CHADL: variants seen among roughly 807,000 people sequenced by gnomAD.
CHADL encodes the protein chondroadherin like.
Under a neutral mutation model 52.1 loss-of-function variants are expected in CHADL, and 48 were observed. That is an observed-to-expected ratio of 0.92 (90% CI 0.73 to 1.17). CHADL has a LOEUF of 1.17. Ranked by LOEUF, CHADL falls within the 50% of genes most tolerant of loss-of-function variation. CHADL has a pLI of 0.00. For missense variants in CHADL, 977 were observed against 1,035.1 expected, an observed-to-expected ratio of 0.94 and a Z score of 0.77; for synonymous variants, 498 against 511.2, an observed-to-expected ratio of 0.97 and a Z score of 0.35.
Position 41,240,911 on chromosome 22 carries a change from G to A in CHADL, c.-30C>T. On this transcript the variant is annotated 5_prime_UTR_variant, in exon 1 of 6. Transcript: ENST00000216241. ...CCTGGAACTGCTGGTCCAGCCTGGA[G>A]GCGCAGCGCAGGGACAGGCTGTCCC... 1.3e-6 allele frequency: 2 copies of A among 1,547,584 alleles called. No homozygotes were observed. Among genetic ancestry groups the A allele is most frequent in the Non-Finnish European group, 1.7e-6 (2 of 1,146,338 alleles).
rs2145637372 is a variant in CHADL at position 41,238,038 on chromosome 22, T to TCGCCC, written c.1029_1033dup (p.Glu345GlyfsTer90). 4.7e-6 allele frequency: 6 copies of TCGCCC among 1,274,538 alleles called. No individual in the cohort carries two copies. In the South Asian group the frequency reaches 1.7e-4, roughly 35 times the overall value. The allele number at this position is 1,274,538 out of a possible 1,614,324, so 79.0% of individuals were successfully genotyped here. A position where few individuals can be genotyped will look rare whatever the true frequency, so the allele number is the denominator to read the frequency against. Reference sequence around the variant, plus strand: ...CCAGGGCCGCAGGGCGTCCAGAGCCTCGCCCCGCAGGCGCCGCGGCCCCTG... The same window carrying TCGCCC: ...CCAGGGCCGCAGGGCGTCCAGAGCCTCGCCCCGCCCCGCAGGCGCCGCGGCCCCTG... On this transcript the variant is annotated frameshift_variant, in exon 3 of 6. Transcript: ENST00000216241. LOFTEE classifies it high-confidence loss of function. The surrounding 1 kb of genome is among the most constrained non-coding windows in gnomAD (Gnocchi z 4.9).
chr22:41,234,389 A>ATTATTT (rs2032696285), intron 5 of CHADL, among the ~76,000 whole-genome samples: 1 of 147,500 alleles, frequency 6.8e-6, no homozygotes, highest in Non-Finnish European at 1.5e-5. Context: ...TATTATTATT[A>ATTATTT]TTATTATTAT....
At chr22:41,239,024 G>T in intron 2 of CHADL, 139 bp from the exon 3 acceptor site, 1 of 1,193,628 alleles carries the variant, frequency 8.4e-7, no homozygotes, top group Non-Finnish European at 1.1e-6. Flanking sequence ...ACCTCCTCCA[G>T]GAAGCCTTCC....
rs371389800 is a variant in CHADL at position 41,239,544 on chromosome 22, C to T, written c.85G>A (p.Ala29Thr). The T allele has an allele frequency of 1.8e-4, 276 of 1,548,486 alleles. 2 individuals carry two copies. The South Asian group carries it at 1.9e-3, about 11-fold the overall frequency. Residue 29 changes from alanine to threonine, a missense_variant, in exon 2 of 6, where the codon GCC becomes ACC. Transcript: ENST00000216241. ...LLLLAPARQA[A>T]AQRCPQACIC... ...CAGGCCTGTGGGCAGCGCTGGGCGG[C>T]GGCCTGCCTAGCCGGGGCCAGCAGC...
intron 4 of CHADL, 71 bp from the exon 5 acceptor site, chr22:41,235,414 T>G: frequency 7.8e-7 from 1 of 1,285,662 alleles, no homozygotes; most frequent in Non-Finnish European, 1.1e-6. Flanking sequence ...AGGTGGGCAC[T>G]GGGTGTGGGG....
intron 2 of CHADL, 124 bp downstream of exon 2, chr22:41,239,319 A>G (rs928486892): frequency 2.7e-5 from 21 of 792,356 alleles, no homozygotes; most frequent in Non-Finnish European, 4.3e-5. Flanking sequence ...CTCAAAGAGA[A>G]GTAATTTGCC....
chr22:41,239,649 C>T, intron 1 of CHADL, 29 bp from the exon 2 acceptor site: 1 of 1,493,166 alleles, frequency 6.7e-7, no homozygotes, highest in Non-Finnish European at 8.9e-7. Context: ...GTCTGTTGTG[C>T]ACAAGGGCCG....
intron 5 of CHADL, chr22:41,230,977 G>C (rs2032559622): frequency 6.6e-6 from 1 of 152,270 alleles, no homozygotes; most frequent in Non-Finnish European, 1.5e-5. Flanking sequence ...AAGATGGCCT[G>C]AGTGTGCACT....
intron 5 of CHADL, chr22:41,231,382 C>T (rs139481): frequency 0.32 from 49,115 of 152,122 alleles, 8,091 homozygotes; most frequent in Middle Eastern, 0.38. Context: ...TGTGCAGGGC[C>T]GTAAAGAAAT....
chr22:41,232,146 C>T (rs1282253848), intron 5 of CHADL, among the ~76,000 whole-genome samples: 1 of 151,826 alleles, frequency 6.6e-6, no homozygotes, highest in Admixed American at 6.6e-5. Context: ...TCCTGGCTAA[C>T]ACGATGAAAC....
rs1041300183 is a variant in CHADL, at chr22:41,229,551, C to G, written c.*153G>C. The G allele has an allele frequency of 1.9e-6, 3 of 1,610,446 alleles. No individual in the cohort carries two copies. The East Asian group carries it at 6.7e-5, about 36-fold the overall frequency. On this transcript the variant is annotated 3_prime_UTR_variant, in exon 6 of 6. Coordinates refer to ENST00000216241, the MANE Select transcript of CHADL (RefSeq NM_138481.2). ...ATTTTTATTCAAAGGGAAAAGAATC[C>G]CGCCCACTAAGACGCGACCCCTCAG... is the stretch of plus-strand genomic sequence containing the variant.
In CHADL at chr22:41,237,511, G is replaced by A. The variant is rs1234332040; in HGVS notation, c.1561C>T (p.Pro521Ser). The change falls in exon 3 of 6, where the codon CCC becomes TCC. Residue 521 changes from proline (P) to serine (S), a missense_variant. Physicochemically the swap from Pro to Ser is moderately conservative, Grantham distance 74. Transcript: ENST00000216241. ...TGCAGGTGCAGGGAGAAGAGGCTGG[G>A]CAGGGCGCGCAGGGCAGCCCCTGGC... ...QVPGAALRAL[P>S]SLFSLHLQDN... 1 of 1,550,478 alleles carries A rather than the reference G, an allele frequency of 6.4e-7. No individual in the cohort carries two copies.
In CHADL at chr22:41,236,529, C is replaced by G; in HGVS notation, c.2018G>C (p.Ser673Thr). The G allele has an allele frequency of 6.4e-7, 1 of 1,551,440 alleles. No individual in the cohort carries two copies. Among genetic ancestry groups the G allele is most frequent in the East Asian group, 2.4e-5 (1 of 40,918 alleles). Residue 673 changes from serine to threonine, a missense_variant, in exon 4 of 6, where the codon AGC (serine) becomes ACC (threonine). Ser to Thr is a moderately conservative substitution (Grantham distance 58). Coordinates refer to ENST00000216241, the MANE Select transcript of CHADL (RefSeq NM_138481.2). The part of the protein sequence containing the change: ...SLSQLELIDL[S>T]SNPFHCDCQL... ...GCAGTCACAGTGGAAGGGATTGCTG[C>G]TGAGGTCGATGAGCTCCAGCTGGCT...
In CHADL at chr22:41,238,754, G is replaced by A. The variant is rs1291220326; in HGVS notation, c.318C>T (p.Phe106=). The A allele has an allele frequency of 6.5e-7, 1 of 1,549,146 alleles. No individual in the cohort carries two copies. Among genetic ancestry groups the A allele is most frequent in the Non-Finnish European group, 8.7e-7 (1 of 1,146,774 alleles). ...GCAGGAGCAGGCGGCCCAGGCCACG[G>A]AAGGCGCCCTCGGCCACCAGCTCCA... ...CEVELVAEGA[F]RGLGRLLLLN... Residue 106 remains phenylalanine, a synonymous_variant, in exon 3 of 6, where the codon TTC becomes TTT. Transcript: ENST00000216241. This position sits in a 1 kb window ranked among gnomAD's most constrained non-coding sequence, Gnocchi z 4.9.
intron 5 of CHADL, among the ~76,000 whole-genome samples, chr22:41,233,450 A>T (rs2032672925): frequency 6.6e-6 from 1 of 152,146 alleles, no homozygotes; most frequent in African/African-American, 2.4e-5. Flanking sequence ...CAACAAGAGC[A>T]AAACTCCATC....
Position 41,237,397 on chromosome 22 carries a change from C to T in CHADL, c.1675G>A (p.Glu559Lys), listed in dbSNP as rs1414902557. The change falls in exon 3 of 6, where the codon GAA (glutamate) becomes AAA (lysine). Residue 559 changes from glutamate (E) to lysine (K), a missense_variant. Physicochemically the swap from Glu to Lys is moderately conservative, Grantham distance 56. Coordinates refer to ENST00000216241, the MANE Select transcript of CHADL (RefSeq NM_138481.2). ...WVYLSGNRIT[E>K]VSLGALGPAR... ...GGGCCCAGCGCCCCAAGGGACACTT[C>T]GGTGATGCGGTTTCCACTCAGGTAG... 5 of 1,550,626 alleles carry T rather than the reference C, an allele frequency of 3.2e-6. No individual in the cohort carries two copies. Among genetic ancestry groups the T allele is most frequent in the Non-Finnish European group, 8.7e-7 (1 of 1,146,960 alleles).
At chr22:41,235,016 A>G in intron 5 of CHADL, 129 bp downstream of exon 5, 2 of 948,128 alleles carry the variant, frequency 2.1e-6, no homozygotes, top group South Asian at 1.6e-5. Context: ...AACTGACGCA[A>G]CTGGGTCATT....
chr22:41,236,799 C>T (rs758996585), intron 3 of CHADL, 149 bp from the exon 4 acceptor site: 3 of 798,966 alleles, frequency 3.8e-6, no homozygotes, highest in Non-Finnish European at 3.9e-6. Context: ...GGTCAAAACC[C>T]AGGCTGGTCT....
intron 5 of CHADL, among the ~76,000 whole-genome samples, chr22:41,231,539 T>A (rs139484): frequency 6.6e-6 from 1 of 152,124 alleles, no homozygotes; most frequent in Non-Finnish European, 1.5e-5. Flanking sequence ...TGGCATAAAG[T>A]TGGCTTGTGT....
Sources: gnomAD v4.1 joint callset for allele counts (sites outside exome capture counted in the v4.1 genomes callset) on GRCh38, gnomAD v4.1.1 for gene constraint, Gnocchi (gnomAD v3.1) non-coding constraint, MANE v1.5 for transcripts, NCBI Gene and HGNC (gene_info 2026-07-23, HGNC 2026-07-21) for gene names.